The following NEGR1 variants were observed in gnomAD, a reference collection of about 807,000 sequenced individuals.
NEGR1 encodes neuronal growth regulator 1.
In NEGR1, 10 loss-of-function variants were observed where a neutral mutation model predicts 40.9. That is an observed-to-expected ratio of 0.24 (90% CI 0.15 to 0.42). The LOEUF is 0.42. Ranked by LOEUF, NEGR1 falls within the 10% of genes least tolerant of loss-of-function variation. The probability of loss-of-function intolerance (pLI) is 1.00; values close to 1 mark genes in which losing one functional copy is unlikely to be tolerated. For synonymous variants in NEGR1, 185 were observed against 166.8 expected, an observed-to-expected ratio of 1.11 and a Z score of -0.84; for missense variants, 352 against 438.9, an observed-to-expected ratio of 0.80 and a Z score of 1.77.
chr1:72,124,863 A>T (rs1056992286), intron 1 of NEGR1, among the ~76,000 whole-genome samples: 2 of 152,122 alleles, frequency 1.3e-5, no homozygotes, highest in Admixed American at 1.3e-4. Context: ...GAAATTACAA[A>T]GTCACCTATA....
chr1:72,127,730 C>T (rs1364772484), intron 1 of NEGR1, among the ~76,000 whole-genome samples: 1 of 152,048 alleles, frequency 6.6e-6, no homozygotes, highest in Non-Finnish European at 1.5e-5. Context: ...TAAAAAGACT[C>T]TGGAAGACAC....
intron 6 of NEGR1, among the ~76,000 whole-genome samples, chr1:71,457,770 C>T (rs995199403): frequency 1.3e-5 from 2 of 152,012 alleles, no homozygotes; most frequent in Non-Finnish European, 2.9e-5. Context: ...CAGTGGATCT[C>T]GGCTCACTGC....
chr1:71,744,375 T>TAATAAG lies in NEGR1; in HGVS notation c.535+31796_535+31797insCTTATT, dbSNP rs1553162434. ...ATAATAATAATAATAATAATAATAATAAGCCAGGCAGGTTTAAAAACAACA... is the reference window on the plus strand; with the variant it reads ...ATAATAATAATAATAATAATAATAATAATAAGAAGCCAGGCAGGTTTAAAAACAACA... On this transcript the variant is annotated intron_variant, in intron 3 of 6. Coordinates refer to ENST00000357731, the MANE Select transcript of NEGR1 (RefSeq NM_173808.3). Among the ~76,000 whole-genome samples the TAATAAG allele has an allele frequency of 8.3e-4, 121 of 145,844 alleles. 1 individual carries two copies. Among genetic ancestry groups the TAATAAG allele is most frequent in the Admixed American group, 1.4e-4 (2 of 14,590 alleles).
intron 1 of NEGR1, among the ~76,000 whole-genome samples, chr1:71,941,228 A>G (rs577378630): frequency 6.6e-6 from 1 of 152,124 alleles, no homozygotes; most frequent in Non-Finnish European, 1.5e-5. Context: ...CTGATTTTGC[A>G]CACAAAGAGA....
At chr1:72,032,285 G>C (rs1226772280) in intron 1 of NEGR1, among the ~76,000 whole-genome samples, 2 of 152,146 alleles carry the variant, frequency 1.3e-5, no homozygotes, top group African/African-American at 4.8e-5. Flanking sequence ...CGTGCAAATG[G>C]AGAAGACAGG....
chr1:71,669,720 G>A (rs901636437), intron 4 of NEGR1, among the ~76,000 whole-genome samples: 3 of 151,818 alleles, frequency 2.0e-5, no homozygotes, highest in Non-Finnish European at 4.4e-5. Context: ...GCGCGATCTC[G>A]GCTCACTGCA....
chr1:71,840,310 A>G (rs1328198701), intron 2 of NEGR1, among the ~76,000 whole-genome samples: 1 of 152,134 alleles, frequency 6.6e-6, no homozygotes, highest in African/African-American at 2.4e-5. Flanking sequence ...GAATTACCAC[A>G]TCATTAGAGA....
intron 6 of NEGR1, among the ~76,000 whole-genome samples, chr1:71,452,089 C>A (rs1274123805): frequency 1.3e-5 from 2 of 152,172 alleles, no homozygotes; most frequent in Non-Finnish European, 2.9e-5. Flanking sequence ...AAGAGTAGTT[C>A]CTGATACTTG....
rs1273059141 is a variant in NEGR1, at chr1:72,211,258, A to G, written c.176+71061T>C. Among the ~76,000 whole-genome samples the G allele has an allele frequency of 3.3e-5, 5 of 151,744 alleles. No individual in the cohort carries two copies. The South Asian group carries it at 8.3e-4, about 25-fold the overall frequency. On this transcript the variant is annotated intron_variant, in intron 1 of 6. Transcript: ENST00000357731. ...GGTAATACCTTAAATGAACAACAAC[A>G]ACAAAAAAATCTAGCACTCTGAACA...
intron 1 of NEGR1, among the ~76,000 whole-genome samples, chr1:72,125,998 G>C (rs1650000686): frequency 6.6e-6 from 1 of 151,704 alleles, no homozygotes; most frequent in South Asian, 2.1e-4. Flanking sequence ...TTTGCGAATA[G>C]CAATAACACT....
chr1:71,559,826 T>C (rs1648383182), intron 6 of NEGR1, among the ~76,000 whole-genome samples: 1 of 101,720 alleles, frequency 9.8e-6, no homozygotes, highest in African/African-American at 4.0e-5. Flanking sequence ...GTCTACATTA[T>C]CATTCTGGTA....
At chr1:71,625,107 A>C (rs1309563225) in intron 4 of NEGR1, among the ~76,000 whole-genome samples, 1 of 152,046 alleles carries the variant, frequency 6.6e-6, no homozygotes, top group African/African-American at 2.4e-5. Context: ...AAGATGTCAT[A>C]ATTTCATTCA....
intron 1 of NEGR1, among the ~76,000 whole-genome samples, chr1:72,033,043 T>C (rs993703407): frequency 6.6e-6 from 1 of 152,054 alleles, no homozygotes; most frequent in Admixed American, 6.6e-5. Flanking sequence ...TTAAAAAAAC[T>C]GTACAAAGTT....
At chr1:71,581,702 T>C (rs1443410926) in intron 6 of NEGR1, among the ~76,000 whole-genome samples, 2 of 151,146 alleles carry the variant, frequency 1.3e-5, no homozygotes, top group African/African-American at 4.9e-5. Flanking sequence ...TACACAATTT[T>C]TTTTTTTTTT....
chr1:71,910,359 G>A (rs1217308101), intron 2 of NEGR1, among the ~76,000 whole-genome samples: 2 of 152,132 alleles, frequency 1.3e-5, no homozygotes, highest in African/African-American at 4.8e-5. Flanking sequence ...AAAATTTGCA[G>A]GTAACGAAAT....
chr1:72,160,133 T>C (rs1471208747), intron 1 of NEGR1, among the ~76,000 whole-genome samples: 1 of 152,156 alleles, frequency 6.6e-6, no homozygotes, highest in Non-Finnish European at 1.5e-5. Flanking sequence ...GCTAGCTTAG[T>C]TCATTATACA....
At chr1:71,750,757 T>G (rs1015984630) in intron 3 of NEGR1, among the ~76,000 whole-genome samples, 1 of 152,214 alleles carries the variant, frequency 6.6e-6, no homozygotes, top group African/African-American at 2.4e-5. Flanking sequence ...CCAAACCATC[T>G]TATTGTGTAT....
intron 1 of NEGR1, among the ~76,000 whole-genome samples, chr1:71,962,066 T>C (rs1023226907): frequency 3.3e-5 from 5 of 152,018 alleles, no homozygotes; most frequent in African/African-American, 1.2e-4. Context: ...TGTTGGCAAG[T>C]ATAAAGTAAT....
At chr1:71,687,999 G>C (rs7513706) in intron 4 of NEGR1, among the ~76,000 whole-genome samples, 149,626 of 152,160 alleles carry the variant, frequency 0.98, 73,607 homozygotes, top group Middle Eastern at 1. Flanking sequence ...CTGTAGAATT[G>C]TAGGTGTGCA....
Sources: allele counts gnomAD v4.1 joint callset (sites outside exome capture counted in the v4.1 genomes callset), GRCh38; gene constraint gnomAD v4.1.1; transcripts MANE v1.5; gene names NCBI Gene and HGNC (gene_info 2026-07-23, HGNC 2026-07-21).